Variants in SEMA4D observed in about 807,000 individuals in gnomAD.
The protein encoded by SEMA4D is semaphorin-4D.
In SEMA4D, 22 loss-of-function variants were observed where a neutral mutation model predicts 74.8. That is an observed-to-expected ratio of 0.29 (90% confidence interval 0.21 to 0.42). SEMA4D has a LOEUF of 0.42. Among genes scored for constraint, SEMA4D ranks in the 10% least tolerant of loss-of-function variants. SEMA4D has a pLI of 1.00. For missense variants in SEMA4D, 937 were observed against 1,118.4 expected (o/e 0.84, Z 2.31); for synonymous variants, 445 against 463.7 (o/e 0.96, Z 0.52).
intron 2 of SEMA4D, among the ~76,000 whole-genome samples, chr9:89,425,723 G>A (rs539315856): frequency 1.7e-3 from 260 of 152,300 alleles, no homozygotes; most frequent in African/African-American, 5.9e-3. Context: ...CTGGAGACAG[G>A]TTTTACAGCA....
At chr9:89,422,775 A>C (rs911407480) in intron 2 of SEMA4D, among the ~76,000 whole-genome samples, 1 of 152,226 alleles carries the variant, frequency 6.6e-6, no homozygotes, top group Non-Finnish European at 1.5e-5. Flanking sequence ...ACAGAGGTCT[A>C]GGCACCACAC....
chr9:89,362,104 G>C, exon 19 of SEMA4D: 1 of 559,126 alleles, frequency 1.8e-6, no homozygotes, highest in Non-Finnish European at 3.2e-6. Context: ...TTCACGAGCA[G>C]CTATCAAAGC....
At chr9:89,489,537 C>T (rs1247817590) in intron 1 of SEMA4D, among the ~76,000 whole-genome samples, 1 of 152,294 alleles carries the variant, frequency 6.6e-6, no homozygotes, top group Middle Eastern at 3.4e-3. Context: ...CAACCACTAA[C>T]GTGTTTTCTG....
rs558743774 is a variant in SEMA4D at position 89,402,612 on chromosome 9, G to C, written c.252+259C>G. Among the ~76,000 whole-genome samples, 81 of 152,100 alleles carry C rather than the reference G, an allele frequency of 5.3e-4. 1 individual carries two copies. Among genetic ancestry groups the C allele is most frequent in the African/African-American group, 1.9e-3 (79 of 41,468 alleles). ...CACCCGGCCTTGCATAAGCTGCAGT[G>C]GGCACAGGGCTCATGGCATAGCTGT... On this transcript the variant is annotated intron_variant, in intron 4 of 15. Coordinates refer to ENST00000422704, the MANE Select transcript of SEMA4D (RefSeq NM_001371194.2).
intron 1 of SEMA4D, among the ~76,000 whole-genome samples, chr9:89,493,458 C>A (rs978797835): frequency 6.6e-6 from 1 of 152,236 alleles, no homozygotes; most frequent in Non-Finnish European, 1.5e-5. Flanking sequence ...ATGGGACACA[C>A]CGGTCAGGAA....
intron 1 of SEMA4D, among the ~76,000 whole-genome samples, chr9:89,458,560 A>C (rs1588046416): frequency 1.3e-5 from 2 of 152,000 alleles, no homozygotes; most frequent in African/African-American, 2.4e-5. Context: ...AAGCAGACAC[A>C]CACCCACCCA....
intron 2 of SEMA4D, among the ~76,000 whole-genome samples, chr9:89,448,430 C>T (rs958512128): frequency 6.6e-6 from 1 of 152,240 alleles, no homozygotes; most frequent in Non-Finnish European, 1.5e-5. Context: ...GCTCAGTGAA[C>T]TGTGCATGAC....
At chr9:89,374,483 C>T (rs1835521322), downstream of SEMA4D, among the ~76,000 whole-genome samples, 1 of 152,182 alleles carries the variant, frequency 6.6e-6, no homozygotes, top group African/African-American at 2.4e-5. Context: ...GCCTCGGTGG[C>T]ACAGCAAGTG....
At chr9:89,409,668 A>G (rs4877081) in intron 2 of SEMA4D, among the ~76,000 whole-genome samples, 149,555 of 152,280 alleles carry the variant, frequency 0.98, 73,550 homozygotes, top group Non-Finnish European at 1. Context: ...GCCTGGACAC[A>G]TTAAGGAAGT....
At chr9:89,386,248 G>C (rs991718098) in intron 13 of SEMA4D, 119 bp downstream of exon 13, 1 of 1,010,124 alleles carries the variant, frequency 9.9e-7, no homozygotes, top group Non-Finnish European at 1.4e-6. Context: ...GCTCACCCAG[G>C]GCAGACAGAC....
chr9:89,484,939 T>C lies in SEMA4D; in HGVS notation c.-310+12980A>G, dbSNP rs1374162213. Among the ~76,000 whole-genome samples the C allele has an allele frequency of 4.0e-5, 6 of 151,156 alleles. No individual in the cohort carries two copies. The highest frequency in any genetic ancestry group is 1.3e-4 in the Admixed American group (2 of 15,144). ...GGTGTGATGTGTATGTGTGTGTTGT[T>C]TGGTGTGTGTGTACTGGGTGGGTGG... is the stretch of plus-strand genomic sequence containing the variant. On this transcript the variant is annotated intron_variant, in intron 1 of 15. Coordinates refer to ENST00000422704, the MANE Select transcript of SEMA4D (RefSeq NM_001371194.2). This position sits in a 1 kb window ranked among gnomAD's most constrained non-coding sequence, Gnocchi z 4.1.
intron 2 of SEMA4D, among the ~76,000 whole-genome samples, chr9:89,420,442 A>G (rs1846668015): frequency 6.6e-6 from 1 of 152,220 alleles, no homozygotes; most frequent in Admixed American, 6.5e-5. Context: ...AAAAGCAATG[A>G]AATTAATTAG....
At chr9:89,441,258 C>A (rs993144348) in intron 2 of SEMA4D, among the ~76,000 whole-genome samples, 1 of 152,278 alleles carries the variant, frequency 6.6e-6, no homozygotes, top group Admixed American at 6.5e-5. Flanking sequence ...CGCTTCCACA[C>A]ACGCGCAGGA....
At chr9:89,446,272 C>T (rs1351341129) in intron 2 of SEMA4D, among the ~76,000 whole-genome samples, 1 of 152,190 alleles carries the variant, frequency 6.6e-6, no homozygotes, top group Non-Finnish European at 1.5e-5. Flanking sequence ...TGGGGCCCAC[C>T]AGATAGTCCA....
chr9:89,411,193 T>A (rs1232572971), intron 2 of SEMA4D, among the ~76,000 whole-genome samples: 3 of 152,156 alleles, frequency 2.0e-5, no homozygotes, highest in Non-Finnish European at 4.4e-5. Flanking sequence ...GAAATGCATT[T>A]TAAGGCTCTG....
intron 1 of SEMA4D, among the ~76,000 whole-genome samples, chr9:89,474,407 C>G (rs975022471): frequency 1.1e-4 from 17 of 152,176 alleles, no homozygotes; most frequent in African/African-American, 4.1e-4. Flanking sequence ...ATAAACAGAT[C>G]CAAATGCCTC....
At chr9:89,462,908 C>A (rs1857606687) in intron 1 of SEMA4D, among the ~76,000 whole-genome samples, 1 of 5,918 alleles carries the variant, frequency 1.7e-4, no homozygotes, top group Non-Finnish European at 3.0e-4. Context: ...CATGTCACTG[C>A]ACTCCAGCTG....
chr9:89,388,920 G>A lies in SEMA4D; in HGVS notation c.902C>T (p.Ser301Phe). Reference sequence around the variant, plus strand: ...GAACACAGGCACCTTCAGGCCCGGGGACCTGAGCACGAAGACATCCCGCAG... The same window carrying A: ...GAACACAGGCACCTTCAGGCCCGGGAACCTGAGCACGAAGACATCCCGCAG... ...NVLRDVFVLR[S>F]PGLKVPVFYA... Residue 301 changes from serine to phenylalanine, a missense_variant, in exon 10 of 16, where the codon TCC becomes TTC. Ser to Phe is a radical substitution (Grantham distance 155). Coordinates refer to ENST00000422704, the MANE Select transcript of SEMA4D (RefSeq NM_001371194.2). The A allele has an allele frequency of 1.2e-6, 2 of 1,614,138 alleles. No homozygotes were observed. Among genetic ancestry groups the A allele is most frequent in the Non-Finnish European group, 1.7e-6 (2 of 1,180,034 alleles).
chr9:89,463,937 C>CG (rs562222320), intron 1 of SEMA4D, among the ~76,000 whole-genome samples: 1 of 125,602 alleles, frequency 8.0e-6, no homozygotes, highest in Non-Finnish European at 1.7e-5. Context: ...CCGTCTCAGA[C>CG]AAAAAAAAAA....
Sources: allele counts gnomAD v4.1 joint callset (sites outside exome capture counted in the v4.1 genomes callset), GRCh38; gene constraint gnomAD v4.1.1; non-coding constraint Gnocchi (gnomAD v3.1); transcripts MANE v1.5; gene names NCBI Gene and HGNC (gene_info 2026-07-23, HGNC 2026-07-21).